CCDC91: variants seen among roughly 807,000 people sequenced by gnomAD.
CCDC91 encodes the protein coiled-coil domain containing 91.
In CCDC91, 48 loss-of-function variants were observed where a neutral mutation model predicts 63.2. The ratio of observed to expected loss-of-function variants is 0.76; its 90% CI spans 0.60 to 0.97. The LOEUF is 0.97. Among genes scored for constraint, CCDC91 ranks in the 50% least tolerant of loss-of-function variants. CCDC91 has a pLI of 0.00. For missense variants in CCDC91, 500 were observed against 494.6 expected, an observed-to-expected ratio of 1.01 and a Z score of -0.10; for synonymous variants, 167 against 165.8, an observed-to-expected ratio of 1.01 and a Z score of -0.06.
chr12:28,298,026 T>C (rs1458793379), intron 3 of CCDC91, among the ~76,000 whole-genome samples: 1 of 151,776 alleles, frequency 6.6e-6, no homozygotes, highest in African/African-American at 2.4e-5. Flanking sequence ...CTATGTGAAT[T>C]GTAGCATAGC....
chr12:28,527,585 G>A (rs1223124001), intron 12 of CCDC91, among the ~76,000 whole-genome samples: 1 of 152,068 alleles, frequency 6.6e-6, no homozygotes, highest in Non-Finnish European at 1.5e-5. Context: ...GACCTGCTGG[G>A]AAGTGGCACT....
At chr12:28,374,810 C>T (rs1944844366) in intron 7 of CCDC91, among the ~76,000 whole-genome samples, 1 of 152,124 alleles carries the variant, frequency 6.6e-6, no homozygotes, top group Non-Finnish European at 1.5e-5. Context: ...TGTGTTCATA[C>T]AACTTTAAAT....
rs1938633614 is a variant in CCDC91, at chr12:28,305,676, C to G, written c.137C>G (p.Ser46Cys). ...AVSGVHLSPS[S>C]PEIVLDRDHS... ...TCTGGAGTCCATCTTTCACCATCTT[C>G]TCCTGAGATTGTACTGGACCGTGAC... The change falls in exon 4 of 13, where the codon TCT becomes TGT. Residue 46 changes from serine (S) to cysteine (C), a missense_variant. By Grantham distance (112) the Ser-to-Cys change is moderately radical. Transcript: ENST00000536442. 1 of 1,612,594 alleles carries G rather than the reference C, an allele frequency of 6.2e-7. No homozygotes were observed. The highest frequency in any genetic ancestry group is 8.5e-7 in the Non-Finnish European group (1 of 1,179,194).
At chr12:28,517,681 G>GT (rs1259034685) in intron 12 of CCDC91, among the ~76,000 whole-genome samples, 1 of 151,798 alleles carries the variant, frequency 6.6e-6, no homozygotes, top group African/African-American at 2.4e-5. Flanking sequence ...GTGATATTTG[G>GT]TTTCATGCTT....
At chr12:28,510,570 T>C (rs994228525) in intron 12 of CCDC91, among the ~76,000 whole-genome samples, 1 of 151,926 alleles carries the variant, frequency 6.6e-6, no homozygotes, top group African/African-American at 2.4e-5. Flanking sequence ...GGGCAGGCAG[T>C]CTGCTTTACT....
At chr12:28,366,514 C>G (rs1329926076) in intron 7 of CCDC91, among the ~76,000 whole-genome samples, 1 of 152,154 alleles carries the variant, frequency 6.6e-6, no homozygotes, top group African/African-American at 2.4e-5. Flanking sequence ...TCACTTTTAT[C>G]AGCTTATAAA....
chr12:28,322,623 A>T (rs1000174855), intron 6 of CCDC91, among the ~76,000 whole-genome samples: 1 of 151,616 alleles, frequency 6.6e-6, no homozygotes, highest in Admixed American at 6.6e-5. Context: ...TGTCATACAA[A>T]TTTTTTGAGG....
At chr12:28,228,536 C>A (rs755827791) in intron 1 of CCDC91, among the ~76,000 whole-genome samples, 6 of 151,944 alleles carry the variant, frequency 3.9e-5, no homozygotes, top group Non-Finnish European at 8.8e-5. Flanking sequence ...CTGCTTGAAC[C>A]CTTCTAATAG....
At chr12:28,229,413 C>T (rs1421451124) in intron 1 of CCDC91, among the ~76,000 whole-genome samples, 2 of 152,050 alleles carry the variant, frequency 1.3e-5, no homozygotes, top group Non-Finnish European at 2.9e-5. Context: ...AAGTGCTATG[C>T]AGAGAATTAA....
intron 3 of CCDC91, among the ~76,000 whole-genome samples, chr12:28,275,234 A>C (rs554798787): frequency 6.6e-6 from 1 of 152,204 alleles, no homozygotes; most frequent in Admixed American, 6.5e-5. Flanking sequence ...AAGACTAATA[A>C]AGAAGAAAAG....
chr12:28,492,747 A>G (rs188462096), intron 12 of CCDC91, among the ~76,000 whole-genome samples: 53 of 151,780 alleles, frequency 3.5e-4, no homozygotes, highest in African/African-American at 1.2e-3. Context: ...TGTCACCACT[A>G]TATTTTATTA....
intron 8 of CCDC91, among the ~76,000 whole-genome samples, chr12:28,431,814 A>G (rs1218823320): frequency 1.3e-5 from 2 of 152,090 alleles, no homozygotes; most frequent in African/African-American, 4.8e-5. Flanking sequence ...ACAAATGTGT[A>G]ATGACATATA....
At chr12:28,329,379 C>T (rs987318361) in intron 6 of CCDC91, among the ~76,000 whole-genome samples, 2 of 152,106 alleles carry the variant, frequency 1.3e-5, no homozygotes, top group African/African-American at 4.8e-5. Flanking sequence ...CCAATGTGGA[C>T]ATACAGGATC....
intron 8 of CCDC91, among the ~76,000 whole-genome samples, chr12:28,402,653 A>G (rs1307923078): frequency 6.8e-6 from 1 of 146,820 alleles, no homozygotes; most frequent in African/African-American, 2.5e-5. Context: ...TTTTTGTATT[A>G]CTGCATTAGC....
At chr12:28,429,751 G>A (rs1948527511) in intron 8 of CCDC91, among the ~76,000 whole-genome samples, 2 of 152,036 alleles carry the variant, frequency 1.3e-5, no homozygotes, top group African/African-American at 4.8e-5. Context: ...TATTACTCAT[G>A]TAAAGTAAGA....
intron 8 of CCDC91, among the ~76,000 whole-genome samples, chr12:28,409,803 T>C (rs745370053): frequency 1.7e-4 from 26 of 152,160 alleles, no homozygotes; most frequent in Non-Finnish European, 2.8e-4. Flanking sequence ...CACTAGGTTA[T>C]TTAGAAGAGT....
At chr12:28,425,180 C>A (rs1416816331) in intron 8 of CCDC91, among the ~76,000 whole-genome samples, 1 of 152,158 alleles carries the variant, frequency 6.6e-6, no homozygotes, top group Non-Finnish European at 1.5e-5. Flanking sequence ...ATTTGCCGTC[C>A]AAGTACTCTG....
chr12:28,477,285 C>T (rs1020634151), intron 11 of CCDC91, among the ~76,000 whole-genome samples: 4 of 152,162 alleles, frequency 2.6e-5, no homozygotes, highest in Non-Finnish European at 5.9e-5. Context: ...ATCAAGTGGG[C>T]TTGAACCCTG....
intron 1 of CCDC91, among the ~76,000 whole-genome samples, chr12:28,252,376 C>G (rs1173328775): frequency 6.6e-6 from 1 of 151,864 alleles, no homozygotes; most frequent in South Asian, 2.1e-4. Flanking sequence ...TCTTTTCTGT[C>G]TTTCTTGAAC....
Sources: allele counts gnomAD v4.1 joint callset (sites outside exome capture counted in the v4.1 genomes callset), GRCh38; gene constraint gnomAD v4.1.1; transcripts MANE v1.5; gene names NCBI Gene and HGNC (gene_info 2026-07-23, HGNC 2026-07-21).